The following SHCBP1 variants were observed in gnomAD, a reference collection of about 807,000 sequenced individuals.
SHCBP1 encodes the protein SHC SH2 domain-binding protein 1.
A neutral mutation model predicts 75.1 loss-of-function variants in SHCBP1; 60 were observed. The ratio of observed to expected loss-of-function variants is 0.80; its 90% CI spans 0.65 to 0.99. The LOEUF (loss-of-function observed/expected upper bound fraction) is 0.99. SHCBP1 is among the 50% of genes least tolerant of loss of function. The pLI, the probability that SHCBP1 is intolerant of heterozygous loss-of-function variation, is 0.00. For missense variants in SHCBP1, 709 were observed against 809.4 expected (o/e 0.88, Z 1.50); for synonymous variants, 290 against 293.2 (o/e 0.99, Z 0.11).
intron 10 of SHCBP1, chr16:46,584,352 T>C (rs1398342560): frequency 3.7e-6 from 1 of 270,896 alleles, no homozygotes; most frequent in South Asian, 1.6e-4. Context: ...CAACACTTGA[T>C]TCTTGCTCTA....
At chr16:46,603,400 G>T in intron 8 of SHCBP1, 139 bp downstream of exon 8, 1 of 1,224,386 alleles carries the variant, frequency 8.2e-7, no homozygotes. Context: ...AGCTTTCCAT[G>T]TCCTTAATGT....
At chr16:46,588,163 T>C (rs367881487) in intron 10 of SHCBP1, among the ~76,000 whole-genome samples, 2 of 151,906 alleles carry the variant, frequency 1.3e-5, no homozygotes, top group African/African-American at 2.4e-5. Flanking sequence ...GGGACACATT[T>C]AAAGCAGTGT....
At chr16:46,619,282 G>A (rs1402598062) in intron 1 of SHCBP1, among the ~76,000 whole-genome samples, 1 of 152,222 alleles carries the variant, frequency 6.6e-6, no homozygotes, top group African/African-American at 2.4e-5. Flanking sequence ...CATTTAGAAT[G>A]TAGAGTAGTC....
At position 46,608,274 on chromosome 16, in the gene SHCBP1, C is replaced by G. The variant is rs777935382; in HGVS notation, c.689+23G>C. The G allele has an allele frequency of 2.6e-6, 4 of 1,559,314 alleles. No individual in the cohort carries two copies. The African/African-American group carries it at 5.4e-5, about 21-fold the overall frequency. On this transcript the variant is annotated intron_variant, in intron 5 of 12. Transcript: ENST00000303383. ...GTAACTATTTTTCCAACATGTACAA[C>G]AAGGTCAGCAATAAATACTTACAAT... is the stretch of plus-strand genomic sequence containing the variant.
Position 46,616,270 on chromosome 16 carries a change from AC to A in SHCBP1, c.388-117del. 2 of 977,840 alleles carry A rather than the reference AC, an allele frequency of 2.0e-6. No individual in the cohort carries two copies. Among genetic ancestry groups the A allele is most frequent in the Non-Finnish European group, 1.5e-6 (1 of 649,936 alleles). The allele number at this position is 977,840 out of a possible 1,614,324, so 60.6% of individuals were successfully genotyped here. A position where few individuals can be genotyped will look rare whatever the true frequency, so the allele number is the denominator to read the frequency against. ...CATACAACATGGGTGGGGAGGCTTT[AC>A]CCATAATATAAAGGATGAACAAGAC... On this transcript the variant is annotated intron_variant, in intron 3 of 12. Transcript: ENST00000303383. This position sits in a 1 kb window ranked among gnomAD's most constrained non-coding sequence, Gnocchi z 4.4.
At chr16:46,604,832 A>C (rs994279421) in intron 5 of SHCBP1, among the ~76,000 whole-genome samples, 1 of 152,190 alleles carries the variant, frequency 6.6e-6, no homozygotes, top group Non-Finnish European at 1.5e-5. Flanking sequence ...GGCAGGGGGC[A>C]ATTTGGGAGT....
chr16:46,603,697 C>T (rs763639473), intron 7 of SHCBP1, 38 bp from the exon 8 acceptor site: 1 of 1,609,312 alleles, frequency 6.2e-7, no homozygotes, highest in Admixed American at 1.7e-5. Flanking sequence ...AATATACACT[C>T]CCAAAAAAGT....
rs577196671 is a variant in SHCBP1 at position 46,588,924 on chromosome 16, A to G, written c.1465-4835T>C. Among the ~76,000 whole-genome samples, 4 of 152,328 alleles carry G rather than the reference A, an allele frequency of 2.6e-5. No individual in the cohort carries two copies. In the East Asian group the frequency reaches 7.7e-4, roughly 29 times the overall value. On this transcript the variant is annotated intron_variant, in intron 10 of 12. Coordinates refer to ENST00000303383, the MANE Select transcript of SHCBP1 (RefSeq NM_024745.5). ...GAACATCGATGCAAAAATCCTCAAT[A>G]AAATACTGGCAAACCGAATCCAGCA...
At position 46,618,211 on chromosome 16, in the gene SHCBP1, TG is replaced by T. The variant is rs1567455813; in HGVS notation, c.264del (p.Tyr88Ter). The stretch of plus-strand genomic sequence containing the variant: ...AAGCAAAAAACCTACTCACCTAAAA[TG>T]TAATCTTGATAGGCTCTGAATCGCT... Reference protein sequence around the residue: ...FYERFRAYQDYILADCKASEV... With the variant: ...FYERFRAYQDXILADCKASEV... On this transcript the variant is annotated frameshift_variant, in exon 2 of 13. Coordinates refer to ENST00000303383, the MANE Select transcript of SHCBP1 (RefSeq NM_024745.5). LOFTEE classifies it high-confidence loss of function. The T allele has an allele frequency of 6.3e-7, 1 of 1,584,030 alleles. No individual in the cohort carries two copies. Among genetic ancestry groups the T allele is most frequent in the Non-Finnish European group, 8.5e-7 (1 of 1,171,646 alleles).
intron 11 of SHCBP1, 74 bp downstream of exon 11, chr16:46,583,929 C>A: frequency 7.5e-7 from 1 of 1,336,706 alleles, no homozygotes; most frequent in Non-Finnish European, 1.0e-6. Context: ...TAGAACCCAA[C>A]AATTTAATAA....
In SHCBP1 at chr16:46,603,610, G is replaced by C; in HGVS notation, c.1142C>G (p.Thr381Ser). The C allele has an allele frequency of 6.2e-7, 1 of 1,614,162 alleles. No homozygotes were observed. The highest frequency in any genetic ancestry group is 8.5e-7 in the Non-Finnish European group (1 of 1,180,016). Residue 381 changes from threonine (T) to serine (S), a missense_variant, in exon 8 of 13, where the codon ACT becomes AGT. Thr to Ser is a moderately conservative substitution (Grantham distance 58). Coordinates refer to ENST00000303383, the MANE Select transcript of SHCBP1 (RefSeq NM_024745.5). ...ATAATGGCCAGGACAAACAATAACA[G>C]TGTCACCTTCGAAGCAGGCATTTAT... ...SAINACFEGD[T>S]VIVCPGHYVV...
chr16:46,620,217 A>T (rs1220164969), intron 1 of SHCBP1, among the ~76,000 whole-genome samples: 1 of 152,158 alleles, frequency 6.6e-6, no homozygotes, highest in Non-Finnish European at 1.5e-5. Flanking sequence ...TTCAAGTACA[A>T]AATTTGTGTC....
At chr16:46,598,324 C>T (rs138095249) in intron 9 of SHCBP1, among the ~76,000 whole-genome samples, 1 of 152,244 alleles carries the variant, frequency 6.6e-6, no homozygotes, top group African/African-American at 2.4e-5. Context: ...ATTTGAAAGT[C>T]GAAATTACTC....
At position 46,604,290 on chromosome 16, in the gene SHCBP1, T is replaced by C. The variant is rs745869156; in HGVS notation, c.861A>G (p.Lys287=). The C allele has an allele frequency of 1.2e-5, 19 of 1,614,092 alleles. No homozygotes were observed. The Admixed American group carries it at 3.2e-4, about 27-fold the overall frequency. The change falls in exon 6 of 13, where the codon AAA becomes AAG. Residue 287 remains lysine, a synonymous_variant. Transcript: ENST00000303383. Reference sequence around the variant, plus strand: ...TCAACTGTTCCATCTCCGAATACAATTTTAACCCTTCCACCATGGAGATAT... The same window carrying C: ...TCAACTGTTCCATCTCCGAATACAACTTTAACCCTTCCACCATGGAGATAT... ...QENISMVEGL[K]LYSEMEQLKQ...
At position 46,584,051 on chromosome 16, in the gene SHCBP1, G is replaced by T; in HGVS notation, c.1503C>A (p.Thr501=). The T allele has an allele frequency of 1.2e-6, 2 of 1,605,848 alleles. No individual in the cohort carries two copies. The highest frequency in any genetic ancestry group is 1.7e-6 in the Non-Finnish European group (2 of 1,175,628). ...AGTGATGGATCCCATTGTCACTCAG[G>T]GTGCACTGACTCCCAGGGTAGATTT... is the stretch of plus-strand genomic sequence containing the variant. The part of the protein sequence containing the change: ...GIEIYPGSQC[T]LSDNGIHHCK... The change falls in exon 11 of 13, where the codon ACC becomes ACA. Residue 501 remains threonine, a synonymous_variant. Coordinates refer to ENST00000303383, the MANE Select transcript of SHCBP1 (RefSeq NM_024745.5).
At chr16:46,601,967 G>A (rs1965245453) in intron 8 of SHCBP1, among the ~76,000 whole-genome samples, 1 of 152,128 alleles carries the variant, frequency 6.6e-6, no homozygotes, top group Non-Finnish European at 1.5e-5. Context: ...ATCACTATCA[G>A]ATGAGCTTGA....
chr16:46,604,858 A>G (rs2143000680), intron 5 of SHCBP1, among the ~76,000 whole-genome samples: 1 of 152,338 alleles, frequency 6.6e-6, no homozygotes, highest in South Asian at 2.1e-4. Context: ...TAGGGAGAGC[A>G]GTTTCTCAAA....
chr16:46,592,071 C>A (rs1965055540), intron 10 of SHCBP1, among the ~76,000 whole-genome samples: 2 of 150,932 alleles, frequency 1.3e-5, no homozygotes, highest in South Asian at 4.2e-4. Context: ...AAATCCAAAA[C>A]AAGCAGAAGG....
chr16:46,585,043 C>G (rs1964935564), intron 10 of SHCBP1, among the ~76,000 whole-genome samples: 1 of 152,040 alleles, frequency 6.6e-6, no homozygotes, highest in Non-Finnish European at 1.5e-5. Flanking sequence ...CTAATTGTGT[C>G]TTCTAAGAGA....
Sources: gnomAD v4.1 joint callset for allele counts (sites outside exome capture counted in the v4.1 genomes callset) on GRCh38, gnomAD v4.1.1 for gene constraint, Gnocchi (gnomAD v3.1) non-coding constraint, MANE v1.5 for transcripts, NCBI Gene and HGNC (gene_info 2026-07-23, HGNC 2026-07-21) for gene names.